Variants in SHANK2 observed in about 807,000 individuals in gnomAD.
SHANK2 encodes SH3 and multiple ankyrin repeat domains protein 2.
SHANK2 carries 43 observed loss-of-function variants against 133.7 expected under a neutral mutation model. That is an observed-to-expected ratio of 0.32 (90% CI 0.25 to 0.41). The LOEUF (loss-of-function observed/expected upper bound fraction) is 0.41. Among genes scored for constraint, SHANK2 ranks in the 10% least tolerant of loss-of-function variants. The pLI is 1.00. For missense variants in SHANK2, 1,994 were observed against 2,235.8 expected (o/e 0.89, Z 2.18); for synonymous variants, 1,017 against 952.8 (o/e 1.07, Z -1.24).
At chr11:70,493,306 G>T (rs1300413018) in intron 21 of SHANK2, among the ~76,000 whole-genome samples, 1 of 147,442 alleles carries the variant, frequency 6.8e-6, no homozygotes, top group Non-Finnish European at 1.5e-5. Context: ...GGCCCCAGGC[G>T]TTAGTAAGTG....
intron 8 of SHANK2, among the ~76,000 whole-genome samples, chr11:71,084,218 G>T (rs1191032855): frequency 6.6e-6 from 1 of 152,076 alleles, no homozygotes; most frequent in African/African-American, 2.4e-5. Context: ...TGATCTGCCC[G>T]CCTTGGTCTC....
chr11:70,490,146 T>C lies in SHANK2; in HGVS notation c.2551+130A>G. The stretch of plus-strand genomic sequence containing the variant: ...GGTTCCCACCCTCTGGTGGGTGGGC[T>C]GGCAGGGCCTTGCTGGGGTGGGACG... On this transcript the variant is annotated intron_variant, in intron 23 of 25. Transcript: ENST00000601538. 3 of 746,730 alleles carry C rather than the reference T, an allele frequency of 4.0e-6. No individual in the cohort carries two copies. In the South Asian group the frequency reaches 4.8e-5, roughly 12 times the overall value. 46.3% of individuals were successfully genotyped at this position (746,730 alleles called of 1,614,324 possible). A position where few individuals can be genotyped will look rare whatever the true frequency, so the allele number is the denominator to read the frequency against.
At chr11:70,823,791 T>A (rs1337963385) in intron 11 of SHANK2, among the ~76,000 whole-genome samples, 1 of 130,192 alleles carries the variant, frequency 7.7e-6, no homozygotes, top group East Asian at 2.5e-4. Flanking sequence ...GCAGCATTCA[T>A]GGGGGGCAGA....
chr11:70,710,137 T>C (rs973896644), intron 14 of SHANK2, among the ~76,000 whole-genome samples: 1 of 152,152 alleles, frequency 6.6e-6, no homozygotes, highest in African/African-American at 2.4e-5. Flanking sequence ...AACGCGATTT[T>C]AGGGCTGCTG....
chr11:70,674,031 T>C (rs1944863037), intron 15 of SHANK2, among the ~76,000 whole-genome samples: 1 of 152,232 alleles, frequency 6.6e-6, no homozygotes, highest in African/African-American at 2.4e-5. Flanking sequence ...CTTGGTTCCA[T>C]TCTCCCGGGG....
At chr11:70,933,151 G>T (rs1358205579) in intron 10 of SHANK2, 2 of 456,660 alleles carry the variant, frequency 4.4e-6, no homozygotes, top group Admixed American at 4.7e-5. Context: ...ACAAAGTGTG[G>T]TGCATCCATG....
At chr11:70,480,209 C>T (rs1555151180) in intron 25 of SHANK2, among the ~76,000 whole-genome samples, 1 of 152,238 alleles carries the variant, frequency 6.6e-6, no homozygotes, top group Non-Finnish European at 1.5e-5. Flanking sequence ...TTTCTGGCCT[C>T]AGGGCCTTGT....
intron 14 of SHANK2, among the ~76,000 whole-genome samples, chr11:70,741,018 G>C (rs1946511762): frequency 6.6e-6 from 1 of 152,170 alleles, no homozygotes; most frequent in Non-Finnish European, 1.5e-5. Flanking sequence ...TTGCTTAACT[G>C]TTCATCCATT....
At chr11:70,565,134 T>C (rs1373348576) in intron 17 of SHANK2, among the ~76,000 whole-genome samples, 1 of 152,232 alleles carries the variant, frequency 6.6e-6, no homozygotes, top group Admixed American at 6.5e-5. Flanking sequence ...TCATGAATTG[T>C]ACTTGTTGGG....
intron 4 of SHANK2, among the ~76,000 whole-genome samples, 164 bp downstream of exon 4, chr11:71,118,665 C>A (rs1482321934): frequency 1.3e-5 from 2 of 152,018 alleles, no homozygotes; most frequent in Non-Finnish European, 2.9e-5. Flanking sequence ...GGACACAGAG[C>A]CAAATCATAT....
intron 17 of SHANK2, chr11:70,635,363 A>G (rs1451062230): frequency 1.3e-5 from 2 of 152,322 alleles, no homozygotes; most frequent in East Asian, 3.9e-4. Context: ...TAGAGTTGGG[A>G]TAGTTATCAT....
At chr11:71,201,500 CCACAGACGGCGGT>C (rs1555117134) in intron 2 of SHANK2, among the ~76,000 whole-genome samples, 2 of 152,224 alleles carry the variant, frequency 1.3e-5, no homozygotes, top group Admixed American at 6.5e-5. Context: ...ACTCACTTGG[CCACAGACGGCGGT>C]CACTGATGGC....
chr11:70,481,974 A>C (rs2058739475), intron 25 of SHANK2, among the ~76,000 whole-genome samples: 1 of 148,922 alleles, frequency 6.7e-6, no homozygotes, highest in South Asian at 2.2e-4. Flanking sequence ...ACCCCCCCCC[A>C]GTGGTGGTTC....
chr11:70,471,391 CTG>C lies in SHANK2; in HGVS notation c.*1476_*1477del. On this transcript the variant is annotated 3_prime_UTR_variant, in exon 26 of 26. Transcript: ENST00000601538. The surrounding 1 kb of genome is among the most constrained non-coding windows in gnomAD (Gnocchi z 4.1). ...GGGGGAGAATGTGCTGGAAGCCTGA[CTG>C]TGTGTTTTGCGGCCCATGTGCATCT... is the stretch of plus-strand genomic sequence containing the variant. 2.5e-6 allele frequency: 1 copy of C among 398,842 alleles called. No homozygotes were observed. The highest frequency in any genetic ancestry group is 4.4e-6 in the Non-Finnish European group (1 of 226,048). The allele number at this position is 398,842 out of a possible 1,614,324, so 24.7% of individuals were successfully genotyped here.
intron 2 of SHANK2, among the ~76,000 whole-genome samples, chr11:71,152,002 C>A (rs1952807700): frequency 6.6e-6 from 1 of 152,180 alleles, no homozygotes; most frequent in South Asian, 2.1e-4. Context: ...CCCACTCTGG[C>A]CACAGCTGGT....
At chr11:70,724,978 G>A (rs1202046456) in intron 14 of SHANK2, among the ~76,000 whole-genome samples, 12 of 152,130 alleles carry the variant, frequency 7.9e-5, no homozygotes, top group African/African-American at 2.4e-4. Context: ...ACCAAATGTC[G>A]GTCTAAAAGG....
At chr11:70,599,653 G>C (rs1004091581) in intron 17 of SHANK2, among the ~76,000 whole-genome samples, 1 of 138,828 alleles carries the variant, frequency 7.2e-6, no homozygotes, top group Non-Finnish European at 1.5e-5. Flanking sequence ...TTGGCTGGGT[G>C]TGGTGGCGGG....
intron 14 of SHANK2, among the ~76,000 whole-genome samples, chr11:70,792,374 ACCAACCAACCAG>A (rs1273611277): frequency 2.7e-5 from 4 of 148,604 alleles, no homozygotes; most frequent in African/African-American, 7.5e-5. Context: ...TAACCAACCA[ACCAACCAACCAG>A]CCAACCAGCC....
intron 14 of SHANK2, among the ~76,000 whole-genome samples, chr11:70,791,949 T>C (rs1213758311): frequency 6.6e-6 from 1 of 152,184 alleles, no homozygotes; most frequent in Non-Finnish European, 1.5e-5. Flanking sequence ...TGAAGTCCCA[T>C]AAACATGCAG....
Sources: gnomAD v4.1 joint callset for allele counts (sites outside exome capture counted in the v4.1 genomes callset) on GRCh38, gnomAD v4.1.1 for gene constraint, Gnocchi (gnomAD v3.1) non-coding constraint, MANE v1.5 for transcripts, NCBI Gene and HGNC (gene_info 2026-07-23, HGNC 2026-07-21) for gene names.